Variants in CSMD1 observed in about 807,000 individuals in gnomAD.
The protein encoded by CSMD1 is CUB and sushi domain-containing protein 1.
In CSMD1, 213 loss-of-function variants were observed where a neutral mutation model predicts 417.5. The observed-to-expected ratio is 0.51, with a 90% CI of 0.46 to 0.57. CSMD1 has a LOEUF of 0.57. CSMD1 is among the 20% of genes least tolerant of loss of function. The pLI, the probability that CSMD1 is intolerant of heterozygous loss-of-function variation, is 0.00. For missense variants in CSMD1, 6,923 were observed against 4,529.7 expected (o/e 1.53, Z -15.17); for synonymous variants, 2,862 against 1,736.8 (o/e 1.65, Z -16.11).
intron 1 of CSMD1, among the ~76,000 whole-genome samples, chr8:4,740,669 G>T (rs1160605896): frequency 6.6e-6 from 1 of 152,192 alleles, no homozygotes; most frequent in Non-Finnish European, 1.5e-5. Context: ...TTCACTAAGA[G>T]GATGAGAATC....
intron 1 of CSMD1, among the ~76,000 whole-genome samples, chr8:4,961,011 A>G (rs936045165): frequency 3.9e-5 from 6 of 152,156 alleles, no homozygotes; most frequent in Middle Eastern, 3.4e-3. Flanking sequence ...TGAGCATTTT[A>G]CTCTCTTACA....
At chr8:3,927,039 T>C (rs1809782969) in intron 5 of CSMD1, among the ~76,000 whole-genome samples, 1 of 151,940 alleles carries the variant, frequency 6.6e-6, no homozygotes. Context: ...AAAGTACTTT[T>C]TGTGCTTTAT....
intron 26 of CSMD1, among the ~76,000 whole-genome samples, chr8:3,274,512 A>G (rs1359694959): frequency 2.0e-5 from 3 of 152,100 alleles, no homozygotes; most frequent in Non-Finnish European, 4.4e-5. Context: ...TGATCTGTCT[A>G]AAGTTGACAG....
At chr8:3,662,806 G>A (rs1798486613) in intron 7 of CSMD1, among the ~76,000 whole-genome samples, 1 of 152,048 alleles carries the variant, frequency 6.6e-6, no homozygotes, top group Non-Finnish European at 1.5e-5. Context: ...CATGGACACA[G>A]GGAGGGGAAC....
intron 1 of CSMD1, among the ~76,000 whole-genome samples, chr8:4,809,076 G>A (rs542534379): frequency 1.3e-5 from 2 of 152,268 alleles, no homozygotes; most frequent in East Asian, 3.9e-4. Flanking sequence ...GCCTCTGGCT[G>A]CAGAATAAAA....
intron 3 of CSMD1, among the ~76,000 whole-genome samples, chr8:4,282,355 T>C (rs1252325853): frequency 6.6e-6 from 1 of 152,174 alleles, no homozygotes; most frequent in African/African-American, 2.4e-5. Flanking sequence ...TTCTGGCCAC[T>C]GGACAAGAGG....
intron 3 of CSMD1, among the ~76,000 whole-genome samples, chr8:4,117,351 C>T (rs1187645221): frequency 2.0e-5 from 3 of 151,978 alleles, no homozygotes; most frequent in Non-Finnish European, 4.4e-5. Flanking sequence ...CTGTCATCGC[C>T]TCATGCTTCA....
intron 10 of CSMD1, among the ~76,000 whole-genome samples, chr8:3,549,229 T>C (rs1386873433): frequency 6.6e-6 from 1 of 152,216 alleles, no homozygotes; most frequent in African/African-American, 2.4e-5. Context: ...ATGGTTTCTA[T>C]GTTCTGAAAG....
intron 3 of CSMD1, among the ~76,000 whole-genome samples, chr8:4,148,628 T>G (rs2131044787): frequency 6.6e-6 from 1 of 152,192 alleles, no homozygotes; most frequent in East Asian, 1.9e-4. Flanking sequence ...CAGTAGCTGC[T>G]CCTGGAATCC....
At chr8:3,052,671 A>G in intron 49 of CSMD1, 24 bp from the exon 50 acceptor site, 2 of 1,498,452 alleles carry the variant, frequency 1.3e-6, no homozygotes, top group Admixed American at 2.3e-5. Flanking sequence ...AAACAAATGT[A>G]GGCTTATTCT....
intron 1 of CSMD1, among the ~76,000 whole-genome samples, chr8:4,921,382 T>G (rs905459856): frequency 1.3e-5 from 2 of 152,228 alleles, no homozygotes; most frequent in Non-Finnish European, 2.9e-5. Context: ...AAATTATCAT[T>G]ATTTAATATG....
chr8:4,762,503 G>A (rs1390386469), intron 1 of CSMD1, among the ~76,000 whole-genome samples: 8 of 151,950 alleles, frequency 5.3e-5, no homozygotes, highest in Admixed American at 2.0e-4. Flanking sequence ...AATTTACATA[G>A]GTAAGCATAT....
At chr8:4,873,710 C>A (rs75064575) in intron 1 of CSMD1, among the ~76,000 whole-genome samples, 1,943 of 152,130 alleles carry the variant, frequency 0.013, 55 homozygotes, top group African/African-American at 0.044. Context: ...TCAAACTAAA[C>A]CAATATTTGG....
intron 10 of CSMD1, among the ~76,000 whole-genome samples, chr8:3,561,696 G>A (rs1799472707): frequency 1.3e-5 from 2 of 152,118 alleles, no homozygotes; most frequent in Non-Finnish European, 1.5e-5. Flanking sequence ...GGTGATGGGT[G>A]TACTACCAGC....
intron 39 of CSMD1, among the ~76,000 whole-genome samples, chr8:3,152,356 T>C (rs1469159682): frequency 6.6e-6 from 1 of 152,236 alleles, no homozygotes; most frequent in Non-Finnish European, 1.5e-5. Context: ...TAATTTCTTA[T>C]ATTCCAAAAT....
At position 4,393,644 on chromosome 8, in the gene CSMD1, G is replaced by A. The variant is rs372946806; in HGVS notation, c.415+26309C>T. On this transcript the variant is annotated intron_variant, in intron 3 of 69. Transcript: ENST00000635120. ...ATTAAATTATCAATGTTGAAAAGAC[G>A]TGAGCACTAGCCCAGTCACCTTCAC... 7.2e-5 allele frequency among the ~76,000 whole-genome samples: 11 copies of A among 152,234 alleles called. No individual in the cohort carries two copies. The East Asian group carries it at 1.2e-3, about 16-fold the overall frequency.
intron 41 of CSMD1, among the ~76,000 whole-genome samples, chr8:3,121,373 G>A (rs1009356085): frequency 1.3e-5 from 2 of 152,094 alleles, no homozygotes; most frequent in African/African-American, 4.8e-5. Flanking sequence ...AAATGATTGA[G>A]AACAAGAAAA....
At chr8:4,418,576 T>C (rs939584685) in intron 3 of CSMD1, among the ~76,000 whole-genome samples, 1 of 152,164 alleles carries the variant, frequency 6.6e-6, no homozygotes, top group Non-Finnish European at 1.5e-5. Flanking sequence ...TCTGAACAAA[T>C]ATTGTATGTT....
chr8:4,935,779 C>A (rs6991459), intron 1 of CSMD1, among the ~76,000 whole-genome samples: 1 of 151,940 alleles, frequency 6.6e-6, no homozygotes, highest in Non-Finnish European at 1.5e-5. Context: ...GAAAGAAAGA[C>A]GAGGAATACA....
Sources: gnomAD v4.1 joint callset for allele counts (sites outside exome capture counted in the v4.1 genomes callset) on GRCh38, gnomAD v4.1.1 for gene constraint, MANE v1.5 for transcripts, NCBI Gene and HGNC (gene_info 2026-07-23, HGNC 2026-07-21) for gene names.